Variants in MAPRE2 observed in about 807,000 individuals in gnomAD.
The protein encoded by MAPRE2 is microtubule-associated protein RP/EB family member 2.
MAPRE2 carries 13 observed loss-of-function variants against 43.2 expected under a neutral mutation model. That is an observed-to-expected ratio of 0.30 (90% CI 0.20 to 0.48). MAPRE2 has a LOEUF of 0.48. Ranked by LOEUF, MAPRE2 falls within the 20% of genes least tolerant of loss-of-function variation. MAPRE2 has a pLI of 0.99. For synonymous variants in MAPRE2, 135 were observed against 148.8 expected, an observed-to-expected ratio of 0.91 and a Z score of 0.68; for missense variants, 161 against 400.2, an observed-to-expected ratio of 0.40 and a Z score of 5.10.
chr18:35,038,195 C>T (rs145212638), upstream of MAPRE2, among the ~76,000 whole-genome samples: 551 of 152,310 alleles, frequency 3.6e-3, 4 homozygotes, highest in African/African-American at 0.013. Context: ...TCCTGACACC[C>T]TCTACCACCA....
chr18:34,999,305 G>A (rs1473222881), intron 1 of MAPRE2, among the ~76,000 whole-genome samples: 2 of 152,112 alleles, frequency 1.3e-5, no homozygotes, highest in Non-Finnish European at 2.9e-5. Flanking sequence ...TAATATATGT[G>A]TTATTTCCCA....
chr18:35,027,291 A>G (rs541497003), intron 2 of MAPRE2, among the ~76,000 whole-genome samples: 1 of 152,312 alleles, frequency 6.6e-6, no homozygotes, highest in East Asian at 1.9e-4. Context: ...CCAGCAAAAT[A>G]CAATGGAAGT....
intron 1 of MAPRE2, among the ~76,000 whole-genome samples, chr18:34,985,252 T>TA (rs2097019089): frequency 3.8e-5 from 2 of 52,988 alleles, no homozygotes; most frequent in Admixed American, 3.8e-4. Flanking sequence ...ATATAAAATA[T>TA]ATAATATAAT....
At chr18:35,002,591 T>A (rs1447222753) in intron 1 of MAPRE2, among the ~76,000 whole-genome samples, 1 of 152,250 alleles carries the variant, frequency 6.6e-6, no homozygotes, top group Non-Finnish European at 1.5e-5. Context: ...CGCTATTTTT[T>A]ATTTTAGCCA....
intron 2 of MAPRE2, among the ~76,000 whole-genome samples, chr18:35,070,817 A>G (rs564293215): frequency 6.7e-4 from 101 of 151,480 alleles, no homozygotes; most frequent in Non-Finnish European, 1.1e-3. Context: ...TTCCCTAAAG[A>G]CTCTTTCCCT....
upstream of MAPRE2, among the ~76,000 whole-genome samples, chr18:35,038,283 C>G (rs550954440): frequency 1.3e-5 from 2 of 152,332 alleles, no homozygotes; most frequent in African/African-American, 4.8e-5. Flanking sequence ...CGGACAGAAA[C>G]TTCTAGATAT....
intron 2 of MAPRE2, among the ~76,000 whole-genome samples, chr18:35,025,605 C>T (rs2097044665): frequency 2.0e-5 from 3 of 152,198 alleles, no homozygotes; most frequent in African/African-American, 7.2e-5. Flanking sequence ...TCAGAGGTAA[C>T]AACTCGGATA....
chr18:35,019,671 C>T (rs2097040741), intron 2 of MAPRE2, among the ~76,000 whole-genome samples: 1 of 151,996 alleles, frequency 6.6e-6, no homozygotes, highest in African/African-American at 2.4e-5. Context: ...GTAGAGTTGA[C>T]CATTATTTAT....
At chr18:34,985,652 TATG>T (rs1372591853) in intron 1 of MAPRE2, among the ~76,000 whole-genome samples, 1 of 100,214 alleles carries the variant, frequency 1.0e-5, no homozygotes, top group African/African-American at 3.8e-5. Flanking sequence ...ATATATAACA[TATG>T]ATATATTATA....
intron 2 of MAPRE2, among the ~76,000 whole-genome samples, chr18:35,096,734 ATAAT>A (rs540081216): frequency 1.0e-3 from 153 of 152,118 alleles, no homozygotes; most frequent in African/African-American, 3.5e-3. Context: ...TTAATACTTA[ATAAT>A]TAATAAGTAT....
intron 1 of MAPRE2, among the ~76,000 whole-genome samples, chr18:35,000,559 T>C (rs1000433558): frequency 5.9e-5 from 9 of 152,298 alleles, no homozygotes; most frequent in Admixed American, 3.9e-4. Flanking sequence ...GATTTGTTTG[T>C]CAAAGAAAGA....
intron 1 of MAPRE2, among the ~76,000 whole-genome samples, chr18:35,054,702 C>G (rs1029130743): frequency 6.6e-6 from 1 of 151,994 alleles, no homozygotes; most frequent in African/African-American, 2.4e-5. Flanking sequence ...TTGTTTGTTT[C>G]TTTTTTTTGA....
Position 35,122,076 on chromosome 18 carries a change from A to G in MAPRE2, c.611-4872A>G, listed in dbSNP as rs536659212. 9.8e-5 allele frequency among the ~76,000 whole-genome samples: 15 copies of G among 152,334 alleles called. 1 individual carries two copies. The South Asian group carries it at 3.1e-3, about 32-fold the overall frequency. ...TAAACAAAAACAAGTTCTTAACTCT[A>G]AAGAGTTATGCTGTATGTTAGGATA... On this transcript the variant is annotated intron_variant, in intron 4 of 6. Coordinates refer to ENST00000300249, the MANE Select transcript of MAPRE2 (RefSeq NM_014268.4).
chr18:35,005,482 A>G (rs746053535), intron 1 of MAPRE2: 3 of 1,506,528 alleles, frequency 2.0e-6, no homozygotes, highest in Middle Eastern at 1.7e-4. Context: ...TTCCATTTTT[A>G]CTATCCCAGT....
chr18:35,068,715 A>G (rs1461489620), intron 1 of MAPRE2, among the ~76,000 whole-genome samples: 1 of 152,222 alleles, frequency 6.6e-6, no homozygotes, highest in Admixed American at 6.5e-5. Flanking sequence ...TAAATCAAGA[A>G]TGAATAATAG....
chr18:35,116,046 A>T (rs991858516), intron 4 of MAPRE2, among the ~76,000 whole-genome samples: 12 of 152,198 alleles, frequency 7.9e-5, no homozygotes, highest in African/African-American at 2.9e-4. Context: ...GTTTTCAAGG[A>T]AATTAAATCC....
chr18:35,095,492 T>A (rs561433122), intron 2 of MAPRE2, among the ~76,000 whole-genome samples: 2 of 151,624 alleles, frequency 1.3e-5, no homozygotes, highest in South Asian at 4.2e-4. Context: ...AGAGATGATT[T>A]TTCCTTCCTT....
intron 1 of MAPRE2, among the ~76,000 whole-genome samples, chr18:35,049,037 G>A (rs1192493283): frequency 6.6e-6 from 1 of 152,070 alleles, no homozygotes; most frequent in Non-Finnish European, 1.5e-5. Context: ...TTTCATAGAA[G>A]TAATACTTGT....
intron 1 of MAPRE2, among the ~76,000 whole-genome samples, chr18:35,000,918 A>G (rs1212526570): frequency 2.6e-5 from 4 of 152,196 alleles, no homozygotes; most frequent in Non-Finnish European, 5.9e-5. Flanking sequence ...CTTGTCATCC[A>G]TAAAATAGTA....
Sources: gnomAD v4.1 joint callset for allele counts (sites outside exome capture counted in the v4.1 genomes callset) on GRCh38, gnomAD v4.1.1 for gene constraint, MANE v1.5 for transcripts, NCBI Gene and HGNC (gene_info 2026-07-23, HGNC 2026-07-21) for gene names.